GLYR1: variants seen among roughly 807,000 people sequenced by gnomAD.
GLYR1 encodes cytokine-like nuclear factor N-PAC.
Under a neutral mutation model 72.7 loss-of-function variants are expected in GLYR1, and 21 were observed. That is an observed-to-expected ratio of 0.29 (90% CI 0.20 to 0.42). The LOEUF is 0.42. Among genes scored for constraint, GLYR1 ranks in the 10% least tolerant of loss-of-function variants. The probability of loss-of-function intolerance (pLI) is 1.00; values close to 1 mark genes in which losing one functional copy is unlikely to be tolerated. For missense variants in GLYR1, 594 were observed against 712.1 expected, an observed-to-expected ratio of 0.83 and a Z score of 1.89; for synonymous variants, 392 against 270.2, an observed-to-expected ratio of 1.45 and a Z score of -4.42.
In GLYR1 at chr16:4,829,618, G is replaced by C. The variant is rs1038990872; in HGVS notation, c.537+2361C>G. ...CTTCTCATCTCAGCTTTCTGAGTAGGGGGGACTACAGGCACACACCACCAA... is the reference window on the plus strand; with the variant it reads ...CTTCTCATCTCAGCTTTCTGAGTAGCGGGGACTACAGGCACACACCACCAA... On this transcript the variant is annotated intron_variant, in intron 5 of 15. Transcript: ENST00000321919. Among the ~76,000 whole-genome samples the C allele has an allele frequency of 2.6e-4, 40 of 151,482 alleles. 1 individual carries two copies. Among genetic ancestry groups the C allele is most frequent in the Non-Finnish European group, 4.6e-4 (31 of 67,820 alleles).
intron 3 of GLYR1, among the ~76,000 whole-genome samples, chr16:4,833,643 C>CAAA (rs112227653): frequency 0.012 from 1,545 of 128,806 alleles, 10 homozygotes; most frequent in Non-Finnish European, 0.017. Context: ...TATGATGTCT[C>CAAA]AAAAAAAAAA....
chr16:4,827,908 CAAACCAAA>C (rs572634967), intron 5 of GLYR1, among the ~76,000 whole-genome samples: 181 of 151,920 alleles, frequency 1.2e-3, no homozygotes, highest in African/African-American at 2.1e-3. Context: ...TCAAAAAAAA[CAAACCAAA>C]AAACCAAAAA....
intron 3 of GLYR1, among the ~76,000 whole-genome samples, chr16:4,833,624 A>G (rs1211913106): frequency 6.7e-6 from 1 of 149,874 alleles, no homozygotes; most frequent in Non-Finnish European, 1.5e-5. Flanking sequence ...ACAAGATGGC[A>G]TGCTGTTTTA....
chr16:4,828,143 C>G (rs1205804063), intron 5 of GLYR1, among the ~76,000 whole-genome samples: 1 of 151,604 alleles, frequency 6.6e-6, no homozygotes, highest in African/African-American at 2.4e-5. Context: ...GATCTCGGCT[C>G]ACTTCAAGCT....
chr16:4,837,820 A>T (rs1011086641), intron 3 of GLYR1, among the ~76,000 whole-genome samples: 1 of 151,312 alleles, frequency 6.6e-6, no homozygotes, highest in Non-Finnish European at 1.5e-5. Context: ...AATCCCAGCT[A>T]CTCCGGAGGC....
chr16:4,841,387 G>A (rs1009032196), intron 3 of GLYR1, among the ~76,000 whole-genome samples: 2 of 146,696 alleles, frequency 1.4e-5, no homozygotes, highest in Admixed American at 1.4e-4. Context: ...TCGGGAGGCC[G>A]AGGTGGGAGG....
intron 3 of GLYR1, among the ~76,000 whole-genome samples, chr16:4,838,458 G>A (rs540138552): frequency 3.9e-5 from 6 of 152,304 alleles, no homozygotes; most frequent in East Asian, 3.9e-4. Flanking sequence ...CTCGCAGGTA[G>A]GCACTTGCAG....
chr16:4,834,260 T>C (rs1002896137), intron 3 of GLYR1, among the ~76,000 whole-genome samples: 1 of 150,804 alleles, frequency 6.6e-6, no homozygotes, highest in Non-Finnish European at 1.5e-5. Context: ...CTGGTCTCCC[T>C]GGCACAGCTC....
At position 4,817,645 on chromosome 16, in the gene GLYR1, G is replaced by A. The variant is rs760825256; in HGVS notation, c.859C>T (p.Leu287=). The change falls in exon 10 of 16, where the codon CTA becomes TTA. Residue 287 remains leucine, a synonymous_variant. Coordinates refer to ENST00000321919, the MANE Select transcript of GLYR1 (RefSeq NM_032569.4). ...ACAGTCACTGTGTGACCCATTTTTA[G>A]CAAGTTGGAGACGATTCCACTTCCC... is the stretch of plus-strand genomic sequence containing the variant. ...LMGSGIVSNL[L]KMGHTVTVWN... 1 of 1,613,718 alleles carries A rather than the reference G, an allele frequency of 6.2e-7. No homozygotes were observed. Among genetic ancestry groups the A allele is most frequent in the Admixed American group, 1.7e-5 (1 of 59,994 alleles).
At chr16:4,825,674 C>T (rs1476522267) in intron 5 of GLYR1, among the ~76,000 whole-genome samples, 8 of 149,576 alleles carry the variant, frequency 5.3e-5, no homozygotes, top group African/African-American at 1.5e-4. Context: ...TTTTTTGAGA[C>T]GGAGTCTTGC....
intron 5 of GLYR1, among the ~76,000 whole-genome samples, chr16:4,829,616 A>AG (rs1413768543): frequency 6.6e-6 from 1 of 151,796 alleles, no homozygotes; most frequent in African/African-American, 2.4e-5. Flanking sequence ...CTTTCTGAGT[A>AG]GGGGGGACTA....
chr16:4,835,741 G>A (rs531886797), intron 3 of GLYR1, among the ~76,000 whole-genome samples: 1 of 152,288 alleles, frequency 6.6e-6, no homozygotes, highest in East Asian at 1.9e-4. Flanking sequence ...TGAGACAGGA[G>A]AAACACTTGA....
chr16:4,803,671 C>T lies in GLYR1; in HGVS notation c.*1565G>A, dbSNP rs1053825375. Reference sequence around the variant, plus strand: ...AGTGAAATGAACTGTGCTAAAAACCCGACAGGCATCTTCCCTGCCCTCCCC... The same window carrying T: ...AGTGAAATGAACTGTGCTAAAAACCTGACAGGCATCTTCCCTGCCCTCCCC... On this transcript the variant is annotated 3_prime_UTR_variant, in exon 16 of 16. Coordinates refer to ENST00000321919, the MANE Select transcript of GLYR1 (RefSeq NM_032569.4). The T allele has an allele frequency of 2.0e-5, 3 of 151,958 alleles. No individual in the cohort carries two copies. The highest frequency in any genetic ancestry group is 4.8e-5 in the African/African-American group (2 of 41,290). The allele number at this position is 151,958 out of a possible 1,614,324, so 9.4% of individuals were successfully genotyped here.
rs2083353276 is a variant in GLYR1 at position 4,812,112 on chromosome 16, G to A, written c.1256C>T (p.Ala419Val). The A allele has an allele frequency of 1.9e-6, 3 of 1,613,914 alleles. No homozygotes were observed. Among genetic ancestry groups the A allele is most frequent in the South Asian group, 1.1e-5 (1 of 91,084 alleles). ...TAGGAAGAAGGAGGTCTTCCCCATC[G>A]CCTGGAAGCAGCTGCTGCAGTCCTC... ...LYEDCSSCFQAMGKTSFFLGE... is the reference protein window; with the variant it reads ...LYEDCSSCFQVMGKTSFFLGE... Residue 419 changes from alanine to valine, a missense_variant, in exon 13 of 16, where the codon GCG (alanine) becomes GTG (valine). Transcript: ENST00000321919.
rs781510024 is a variant in GLYR1, at chr16:4,832,214, G to C, written c.302C>G (p.Ser101Cys). The part of the protein sequence containing the change: ...RRAKGKDQTS[S>C]HNSSDDKNRR... Reference sequence around the variant, plus strand: ...ATTCTTGTCATCAGAAGAATTGTGGGATGACGTCTGAAAGTTTAATAATAA... The same window carrying C: ...ATTCTTGTCATCAGAAGAATTGTGGCATGACGTCTGAAAGTTTAATAATAA... The change falls in exon 5 of 16, where the codon TCC becomes TGC. Residue 101 changes from serine to cysteine, a missense_variant. Physicochemically the swap from Ser to Cys is moderately radical, Grantham distance 112. Coordinates refer to ENST00000321919, the MANE Select transcript of GLYR1 (RefSeq NM_032569.4). 4 of 1,613,816 alleles carry C rather than the reference G, an allele frequency of 2.5e-6. No individual in the cohort carries two copies. Among genetic ancestry groups the C allele is most frequent in the Non-Finnish European group, 3.4e-6 (4 of 1,179,978 alleles).
At chr16:4,834,295 CTTTTTT>C (rs778256795) in intron 3 of GLYR1, among the ~76,000 whole-genome samples, 8 of 118,346 alleles carry the variant, frequency 6.8e-5, no homozygotes, top group Non-Finnish European at 1.0e-4. Context: ...AGGCAAATTC[CTTTTTT>C]TTTTTTTTTT....
chr16:4,826,999 C>T (rs542758970), intron 5 of GLYR1, among the ~76,000 whole-genome samples: 17 of 152,338 alleles, frequency 1.1e-4, no homozygotes, highest in South Asian at 8.3e-4. Flanking sequence ...GAACTAACAG[C>T]GCTACTTTGA....
At chr16:4,826,698 C>T (rs77893300) in intron 5 of GLYR1, among the ~76,000 whole-genome samples, 1 of 152,344 alleles carries the variant, frequency 6.6e-6, no homozygotes, top group East Asian at 1.9e-4. Flanking sequence ...ACTCCATCTG[C>T]ACTGTGTGAT....
In GLYR1 at chr16:4,813,640, T is replaced by TACTC. The variant is rs2083452982; in HGVS notation, c.1119+96_1119+97insGAGT. 2.6e-5 allele frequency: 27 copies of TACTC among 1,048,202 alleles called. No individual in the cohort carries two copies. The Admixed American group carries it at 5.2e-4, about 20-fold the overall frequency. The allele number at this position is 1,048,202 out of a possible 1,614,324, so 64.9% of individuals were successfully genotyped here. On this transcript the variant is annotated intron_variant, in intron 12 of 15. Coordinates refer to ENST00000321919, the MANE Select transcript of GLYR1 (RefSeq NM_032569.4). ...CGCCTCTCCTCTTCCCTCTCTGGCTTTGGCTCTAGAGTAACTTAACTGCCC... is the reference window on the plus strand; with the variant it reads ...CGCCTCTCCTCTTCCCTCTCTGGCTTACTCTGGCTCTAGAGTAACTTAACTGCCC...
Sources: gnomAD v4.1 joint callset for allele counts (sites outside exome capture counted in the v4.1 genomes callset) on GRCh38, gnomAD v4.1.1 for gene constraint, MANE v1.5 for transcripts, NCBI Gene and HGNC (gene_info 2026-07-23, HGNC 2026-07-21) for gene names.